CPNE7: variants seen among roughly 807,000 people sequenced by gnomAD.
The protein encoded by CPNE7 is copine-7.
CPNE7 carries 78 observed loss-of-function variants against 66.5 expected under a neutral mutation model. The observed-to-expected ratio is 1.17, with a 90% confidence interval of 0.98 to 1.42. The LOEUF is 1.42. Ranked by LOEUF, CPNE7 falls within the 40% of genes most tolerant of loss-of-function variation. The pLI is 0.00. For missense variants in CPNE7, 1,012 were observed against 776.6 expected (o/e 1.30, Z -3.60); for synonymous variants, 468 against 336.7 (o/e 1.39, Z -4.27).
At position 89,585,473 on chromosome 16, in the gene CPNE7, A is replaced by G; in HGVS notation, c.601A>G (p.Asn201Asp). The G allele has an allele frequency of 1.2e-6, 2 of 1,611,448 alleles. No individual in the cohort carries two copies. The highest frequency in any genetic ancestry group is 1.1e-5 in the South Asian group (1 of 90,740). The change falls in exon 6 of 15, where the codon AAC becomes GAC. Residue 201 changes from asparagine (N) to aspartate (D), a missense_variant. Physicochemically the swap from Asn to Asp is conservative, Grantham distance 23 (BLOSUM62 1). Transcript: ENST00000319518. ...QLVYRTEVVKNNLNPVWEAFK... is the reference protein window; with the variant it reads ...QLVYRTEVVKDNLNPVWEAFK... The stretch of plus-strand genomic sequence containing the variant: ...CCCTCCCGGCCCACAGGTGGTGAAG[A>G]ACAACCTGAACCCGGTGTGGGAGGC...
At chr16:89,586,388 G>C (rs62068677) in intron 7 of CPNE7, among the ~76,000 whole-genome samples, 11,843 of 151,016 alleles carry the variant, frequency 0.078, 529 homozygotes, top group East Asian at 0.11. Flanking sequence ...TGAGGGTGCA[G>C]TGGGGAGGCC....
rs1223456563 is a variant in CPNE7, at chr16:89,595,954, GCA to G, written c.1539+357_1539+358del. 7.7e-6 allele frequency: 4 copies of G among 518,856 alleles called. 1 individual carries two copies. The Admixed American group carries it at 9.1e-5, about 12-fold the overall frequency. 32.1% of individuals were successfully genotyped at this position (518,856 alleles called of 1,614,324 possible). ...GGTTCTACCCGCCGAGACACACACA[GCA>G]CACACGTGAGGTTCTACCCGGTGAG... On this transcript the variant is annotated intron_variant, in intron 14 of 14. Transcript: ENST00000319518.
At chr16:89,579,978 G>A (rs1421004921) in intron 2 of CPNE7, among the ~76,000 whole-genome samples, 2 of 30,256 alleles carry the variant, frequency 6.6e-5, no homozygotes, top group African/African-American at 1.7e-4. Flanking sequence ...CCCGTCACAC[G>A]GAACATCCCA....
In CPNE7 at chr16:89,591,182, C is replaced by T. The variant is rs753869411; in HGVS notation, c.1224C>T (p.Tyr408=). The change falls in exon 13 of 15, where the codon TAC becomes TAT. Residue 408 remains tyrosine (Y), a synonymous_variant. Transcript: ENST00000319518. ...YQNCLPRVQL[Y]GPTNVAPIIS... ...ACTGCCTGCCCAGGGTCCAGCTCTA[C>T]GGCCCCACCAACGTGGCGCCCATCA... The T allele has an allele frequency of 2.4e-5, 38 of 1,602,750 alleles. No homozygotes were observed. The highest frequency in any genetic ancestry group is 2.9e-5 in the Non-Finnish European group (34 of 1,174,900).
chr16:89,577,860 C>G, intron 2 of CPNE7, 139 bp downstream of exon 2: 1 of 679,104 alleles, frequency 1.5e-6, no homozygotes, highest in East Asian at 2.7e-5. Context: ...TCCTCCTGAA[C>G]AGTCATTATT....
chr16:89,595,138 G>A (rs779159882), intron 13 of CPNE7, among the ~76,000 whole-genome samples: 1 of 152,146 alleles, frequency 6.6e-6, no homozygotes, highest in Non-Finnish European at 1.5e-5. Flanking sequence ...CGTGAGACTC[G>A]TGGAGATTTC....
chr16:89,581,188 G>A (rs908621336), intron 2 of CPNE7, among the ~76,000 whole-genome samples: 5 of 131,038 alleles, frequency 3.8e-5, no homozygotes, highest in Non-Finnish European at 8.2e-5. Flanking sequence ...TCCGTCTCCC[G>A]CTGACACGGA....
At position 89,583,928 on chromosome 16, in the gene CPNE7, G is replaced by A. The variant is rs1314004365; in HGVS notation, c.433-100G>A. 4 of 1,493,194 alleles carry A rather than the reference G, an allele frequency of 2.7e-6. No individual in the cohort carries two copies. In the South Asian group the frequency reaches 3.5e-5, roughly 13 times the overall value. The allele number at this position is 1,493,194 out of a possible 1,614,324, so 92.5% of individuals were successfully genotyped here. ...GGGGTACACAGACACCTCCTCTCAG[G>A]CCCCGCTGGGTGGGGTCAGCCAGCC... On this transcript the variant is annotated intron_variant, in intron 3 of 14. Coordinates refer to ENST00000319518, the MANE Select transcript of CPNE7 (RefSeq NM_153636.3).
At chr16:89,577,423 A>G (rs2058876972) in intron 1 of CPNE7, 116 bp from the exon 2 acceptor site, 2 of 1,060,154 alleles carry the variant, frequency 1.9e-6, no homozygotes, top group Non-Finnish European at 2.7e-6. Flanking sequence ...AGGTCTTCCC[A>G]GGGTATGAGT....
chr16:89,575,868 C>T lies in CPNE7; in HGVS notation c.-30C>T. On this transcript the variant is annotated 5_prime_UTR_variant, in exon 1 of 15. Transcript: ENST00000319518. ...ACTCGCGGGCAGCGGCCCCTCAGTG[C>T]GCCCAGCCGGGCCCCCGAACGCCGG... 1 of 1,192,226 alleles carries T rather than the reference C, an allele frequency of 8.4e-7. No individual in the cohort carries two copies. The highest frequency in any genetic ancestry group is 1.0e-6 in the Non-Finnish European group (1 of 962,630). 73.9% of individuals were successfully genotyped at this position (1,192,226 alleles called of 1,614,324 possible). A position where few individuals can be genotyped will look rare whatever the true frequency, so the allele number is the denominator to read the frequency against.
rs578025330 is a variant in CPNE7 at position 89,577,755 on chromosome 16, G to A, written c.357+34G>A. On this transcript the variant is annotated intron_variant, in intron 2 of 14. Transcript: ENST00000319518. ...CCCGTCCCCTCGGAGGGAGGAGGAC[G>A]GTTGGCGTGGGGGCCACAGCCGATT... The A allele has an allele frequency of 3.0e-5, 47 of 1,550,896 alleles. 1 individual carries two copies. The South Asian group carries it at 3.2e-4, about 11-fold the overall frequency.
At position 89,584,011 on chromosome 16, in the gene CPNE7, G is replaced by A. The variant is rs762377005; in HGVS notation, c.433-17G>A. ...CCCCACCTGGCCAAGCCTGGAGCCC[G>A]GGCGTCCCCCTGCCAGGTGATCGCC... On this transcript the variant is annotated splice_polypyrimidine_tract_variant and intron_variant, in intron 3 of 14. Coordinates refer to ENST00000319518, the MANE Select transcript of CPNE7 (RefSeq NM_153636.3). The surrounding 1 kb of genome is among the most constrained non-coding windows in gnomAD (Gnocchi z 6.0). The A allele has an allele frequency of 9.9e-5, 160 of 1,611,320 alleles. No individual in the cohort carries two copies. Among genetic ancestry groups the A allele is most frequent in the Non-Finnish European group, 1.3e-4 (157 of 1,179,340 alleles).
rs367913478 is a variant in CPNE7 at position 89,587,095 on chromosome 16, A to G, written c.920A>G (p.His307Arg). ...LDYIMGGCQI[H>R]FTVAIDFTAS... The stretch of plus-strand genomic sequence containing the variant: ...TATATCATGGGCGGCTGCCAGATCC[A>G]CTTCACCGTGAGTCCATGGCCCCGC... Residue 307 changes from histidine (H) to arginine (R), a missense_variant, in exon 9 of 15, where the codon CAC (histidine) becomes CGC (arginine). Transcript: ENST00000319518. 25 of 1,556,358 alleles carry G rather than the reference A, an allele frequency of 1.6e-5. No homozygotes were observed. The highest frequency in any genetic ancestry group is 2.1e-5 in the Non-Finnish European group (24 of 1,151,770).
chr16:89,584,202 C>T lies in CPNE7; in HGVS notation c.507+100C>T, dbSNP rs931976852. ...GCGCTGACCTCGCGTGGCTATGTCCCGTGTGAGACGTGTGCGGAGTGTGCC... is the reference window on the plus strand; with the variant it reads ...GCGCTGACCTCGCGTGGCTATGTCCTGTGTGAGACGTGTGCGGAGTGTGCC... On this transcript the variant is annotated intron_variant, in intron 4 of 14. Coordinates refer to ENST00000319518, the MANE Select transcript of CPNE7 (RefSeq NM_153636.3). This position sits in a 1 kb window ranked among gnomAD's most constrained non-coding sequence, Gnocchi z 6.0. The T allele has an allele frequency of 5.1e-6, 6 of 1,167,926 alleles. No individual in the cohort carries two copies. The highest frequency in any genetic ancestry group is 2.2e-4 in the Middle Eastern group (1 of 4,630). 72.3% of individuals were successfully genotyped at this position (1,167,926 alleles called of 1,614,324 possible). A position where few individuals can be genotyped will look rare whatever the true frequency, so the allele number is the denominator to read the frequency against.
chr16:89,595,944 GAC>G (rs1275910566), intron 14 of CPNE7: 3 of 527,230 alleles, frequency 5.7e-6, no homozygotes, highest in Admixed American at 4.5e-5. Context: ...TACCCGCCGA[GAC>G]ACACACAGCA....
intron 8 of CPNE7, 110 bp downstream of exon 8, chr16:89,586,866 T>G: frequency 8.6e-7 from 1 of 1,169,278 alleles, no homozygotes; most frequent in Non-Finnish European, 1.3e-6. Context: ...CCCCAGCACG[T>G]CTGGGGAGGG....
chr16:89,589,283 C>T (rs2059134226), intron 10 of CPNE7, among the ~76,000 whole-genome samples: 1 of 152,140 alleles, frequency 6.6e-6, no homozygotes, highest in Admixed American at 6.5e-5. Context: ...CAGAGCAAGA[C>T]TCCGTCTCAA....
In CPNE7 at chr16:89,584,444, G is replaced by A. The variant is rs1454851894; in HGVS notation, c.508-330G>A. ...GCGCGCGGTTCTGCGGGCTCGTCAC[G>A]TGGGTGGGCAGAACAGGGTCCAACC... On this transcript the variant is annotated intron_variant, in intron 4 of 14. Transcript: ENST00000319518. The surrounding 1 kb of genome is among the most constrained non-coding windows in gnomAD (Gnocchi z 6.0). 1.3e-5 allele frequency among the ~76,000 whole-genome samples: 2 copies of A among 152,348 alleles called. No individual in the cohort carries two copies. Among genetic ancestry groups the A allele is most frequent in the South Asian group, 2.1e-4 (1 of 4,830 alleles).
chr16:89,577,677 CAGG>C lies in CPNE7; in HGVS notation c.318_320del (p.Glu106del). ...GCATGGGCCCAGCGGCTTCAGCTGT[CAGG>C]AGGACGATTTCCTGGGGGGCATGGA... is the stretch of plus-strand genomic sequence containing the variant. On this transcript the variant is annotated inframe_deletion, in exon 2 of 15. Coordinates refer to ENST00000319518, the MANE Select transcript of CPNE7 (RefSeq NM_153636.3). 6.2e-7 allele frequency: 1 copy of C among 1,601,146 alleles called. No homozygotes were observed. Among genetic ancestry groups the C allele is most frequent in the Non-Finnish European group, 8.5e-7 (1 of 1,174,216 alleles).
Sources: allele counts gnomAD v4.1 joint callset (sites outside exome capture counted in the v4.1 genomes callset), GRCh38; gene constraint gnomAD v4.1.1; non-coding constraint Gnocchi (gnomAD v3.1); transcripts MANE v1.5; gene names NCBI Gene and HGNC (gene_info 2026-07-23, HGNC 2026-07-21).